Variants in FZD3 observed in about 807,000 individuals in gnomAD.
FZD3 encodes the protein frizzled class receptor 3.
FZD3 carries 30 observed loss-of-function variants against 60.7 expected under a neutral mutation model. The ratio of observed to expected loss-of-function variants is 0.49; its 90% confidence interval spans 0.37 to 0.67. The LOEUF is 0.67. Among genes scored for constraint, FZD3 ranks in the 30% least tolerant of loss-of-function variants. The pLI, the probability that FZD3 is intolerant of heterozygous loss-of-function variation, is 0.00. For synonymous variants in FZD3, 246 were observed against 275.2 expected, an observed-to-expected ratio of 0.89 and a Z score of 1.05; for missense variants, 605 against 838.7, an observed-to-expected ratio of 0.72 and a Z score of 3.44.
intron 6 of FZD3, among the ~76,000 whole-genome samples, chr8:28,552,541 C>G (rs1339742299): frequency 6.6e-6 from 1 of 152,072 alleles, no homozygotes. Context: ...ATCACAAACT[C>G]TAAGTTAGTG....
At chr8:28,497,983 A>G (rs914196080) in intron 1 of FZD3, among the ~76,000 whole-genome samples, 3 of 152,248 alleles carry the variant, frequency 2.0e-5, no homozygotes, top group African/African-American at 4.8e-5. Flanking sequence ...ACTTTTTGTC[A>G]TCAAAAGAAA....
rs1003637932 is a variant in FZD3 at position 28,565,485 on chromosome 8, C to T, written c.*2474C>T. On this transcript the variant is annotated 3_prime_UTR_variant, in exon 8 of 8. Transcript: ENST00000240093. ...AAAATAGAAGGTACCAGTTTGGGCT[C>T]GAAGATGTTGTCATCCATTGCCATC... The T allele has an allele frequency of 2.0e-5, 3 of 152,066 alleles. No individual in the cohort carries two copies. Among genetic ancestry groups the T allele is most frequent in the Non-Finnish European group, 4.4e-5 (3 of 67,980 alleles). 9.4% of individuals were successfully genotyped at this position (152,066 alleles called of 1,614,324 possible). A position where few individuals can be genotyped will look rare whatever the true frequency, so the allele number is the denominator to read the frequency against.
At position 28,527,246 on chromosome 8, in the gene FZD3, T is replaced by A; in HGVS notation, c.486T>A (p.Gly162=). The change falls in exon 5 of 8, where the codon GGT becomes GGA. Residue 162 remains glycine, a synonymous_variant. Coordinates refer to ENST00000240093, the MANE Select transcript of FZD3 (RefSeq NM_017412.4). This position sits in a 1 kb window ranked among gnomAD's most constrained non-coding sequence, Gnocchi z 5.0. ...CAGTGGCAGTGCAGAGAGACTATGG[T>A]TTTTGGTGTCCCCGAGAGTTAAAAA... is the stretch of plus-strand genomic sequence containing the variant. ...GAPVAVQRDY[G]FWCPRELKID... 1 of 1,612,674 alleles carries A rather than the reference T, an allele frequency of 6.2e-7. No individual in the cohort carries two copies. Among genetic ancestry groups the A allele is most frequent in the Non-Finnish European group, 8.5e-7 (1 of 1,178,748 alleles).
chr8:28,541,797 G>GCT (rs1410366873), intron 5 of FZD3, among the ~76,000 whole-genome samples: 5 of 152,126 alleles, frequency 3.3e-5, no homozygotes, highest in African/African-American at 1.2e-4. Context: ...TTCAGTAAAT[G>GCT]GCATCATTAT....
At chr8:28,528,245 GTT>G (rs1207636167) in intron 5 of FZD3, 81 bp downstream of exon 5, 4 of 1,093,252 alleles carry the variant, frequency 3.7e-6, no homozygotes, top group Non-Finnish European at 5.2e-6. Context: ...AATATCAGCT[GTT>G]TTTTGAAATG....
At chr8:28,506,064 A>G (rs1285327624) in intron 3 of FZD3, among the ~76,000 whole-genome samples, 2 of 152,150 alleles carry the variant, frequency 1.3e-5, no homozygotes, top group African/African-American at 2.4e-5. Context: ...CTTCCAAACC[A>G]TTTTGAGCTG....
At chr8:28,539,013 C>G (rs1805092283) in intron 5 of FZD3, among the ~76,000 whole-genome samples, 1 of 151,960 alleles carries the variant, frequency 6.6e-6, no homozygotes, top group Non-Finnish European at 1.5e-5. Flanking sequence ...TTAGTTCTTA[C>G]TCTCTCGTCT....
intron 3 of FZD3, among the ~76,000 whole-genome samples, chr8:28,506,622 G>C (rs1233102745): frequency 1.3e-5 from 2 of 152,016 alleles, no homozygotes; most frequent in Non-Finnish European, 2.9e-5. Flanking sequence ...CTCCTGGAAT[G>C]GTTTGTGTTT....
chr8:28,571,511 A>T lies in FZD3; in HGVS notation c.*8500A>T, dbSNP rs964663120. 2 of 152,190 alleles carry T rather than the reference A, an allele frequency of 1.3e-5. No homozygotes were observed. The highest frequency in any genetic ancestry group is 2.9e-5 in the Non-Finnish European group (2 of 68,022). 9.4% of individuals were successfully genotyped at this position (152,190 alleles called of 1,614,324 possible). A position where few individuals can be genotyped will look rare whatever the true frequency, so the allele number is the denominator to read the frequency against. On this transcript the variant is annotated 3_prime_UTR_variant, in exon 8 of 8. Transcript: ENST00000240093. ...ATATTAGTCTGGACATTCTCTTGCC[A>T]TCAGGTGCTATTTCTACCTTAGCTG...
Position 28,527,012 on chromosome 8 carries a change from C to A in FZD3, c.387-135C>A, listed in dbSNP as rs1326844913. 1.3e-6 allele frequency: 1 copy of A among 793,420 alleles called. No individual in the cohort carries two copies. The highest frequency in any genetic ancestry group is 2.4e-5 in the Admixed American group (1 of 41,040). 49.1% of individuals were successfully genotyped at this position (793,420 alleles called of 1,614,324 possible). ...ACCACAAACAAGATATCACCATTTA[C>A]TTTATTTCTACATATTACATTTGCT... is the stretch of plus-strand genomic sequence containing the variant. On this transcript the variant is annotated intron_variant, in intron 4 of 7. Coordinates refer to ENST00000240093, the MANE Select transcript of FZD3 (RefSeq NM_017412.4). This position sits in a 1 kb window ranked among gnomAD's most constrained non-coding sequence, Gnocchi z 5.0.
intron 4 of FZD3, among the ~76,000 whole-genome samples, chr8:28,521,594 C>CTTA (rs1804580888): frequency 1.3e-5 from 2 of 152,168 alleles, no homozygotes; most frequent in Admixed American, 6.5e-5. Context: ...CCCTCTTGAG[C>CTTA]TTATTATCTT....
chr8:28,539,744 T>A (rs1805113932), intron 5 of FZD3, among the ~76,000 whole-genome samples: 1 of 152,132 alleles, frequency 6.6e-6, no homozygotes, highest in Non-Finnish European at 1.5e-5. Context: ...TGTACTTCTA[T>A]TAGTAAAGTA....
rs369108722 is a variant in FZD3, at chr8:28,560,509, T to C, written c.1788-2289T>C. On this transcript the variant is annotated intron_variant, in intron 7 of 7. Transcript: ENST00000240093. ...TATGTGTCACTTAAGGAATTTAGATTAAATTATTCAATATAGTAAATTTTT... is the reference window on the plus strand; with the variant it reads ...TATGTGTCACTTAAGGAATTTAGATCAAATTATTCAATATAGTAAATTTTT... 3.3e-5 allele frequency among the ~76,000 whole-genome samples: 5 copies of C among 152,314 alleles called. No individual in the cohort carries two copies. The South Asian group carries it at 6.2e-4, about 19-fold the overall frequency.
rs1003089345 is a variant in FZD3, at chr8:28,564,302, A to G, written c.*1291A>G. 12 of 152,144 alleles carry G rather than the reference A, an allele frequency of 7.9e-5. No homozygotes were observed. Among genetic ancestry groups the G allele is most frequent in the African/African-American group, 2.7e-4 (11 of 41,420 alleles). 9.4% of individuals were successfully genotyped at this position (152,144 alleles called of 1,614,324 possible). A position where few individuals can be genotyped will look rare whatever the true frequency, so the allele number is the denominator to read the frequency against. On this transcript the variant is annotated 3_prime_UTR_variant, in exon 8 of 8. Transcript: ENST00000240093. ...GAAATCAATCAGAAGAGAAAGAAAAATGCTGGAACATGCTTGATGTATTAT... is the reference window on the plus strand; with the variant it reads ...GAAATCAATCAGAAGAGAAAGAAAAGTGCTGGAACATGCTTGATGTATTAT...
Position 28,527,196 on chromosome 8 carries a change from G to A in FZD3, c.436G>A (p.Ala146Thr), listed in dbSNP as rs1396952021. The change falls in exon 5 of 8, where the codon GCT (alanine) becomes ACT (threonine). Residue 146 changes from alanine (A) to threonine (T), a missense_variant. Transcript: ENST00000240093. The surrounding 1 kb of genome is among the most constrained non-coding windows in gnomAD (Gnocchi z 5.0). ...TCCTCGACTTGTGGATCTGAATTTA[G>A]CTGGAGAACCAACTGAAGGAGCCCC... Reference protein sequence around the residue: ...PYPRLVDLNLAGEPTEGAPVA... With the variant: ...PYPRLVDLNLTGEPTEGAPVA... 1 of 1,613,560 alleles carries A rather than the reference G, an allele frequency of 6.2e-7. No homozygotes were observed. Among genetic ancestry groups the A allele is most frequent in the African/African-American group, 1.3e-5 (1 of 74,876 alleles).
intron 3 of FZD3, among the ~76,000 whole-genome samples, chr8:28,507,264 T>C (rs1156759033): frequency 2.0e-5 from 3 of 152,234 alleles, no homozygotes; most frequent in Non-Finnish European, 4.4e-5. Context: ...CCCTTTTTTC[T>C]TGTGATATAT....
chr8:28,506,163 TATC>T (rs1438308168), intron 3 of FZD3, among the ~76,000 whole-genome samples: 8 of 152,212 alleles, frequency 5.3e-5, no homozygotes, highest in Non-Finnish European at 1.2e-4. Flanking sequence ...AGCCACCTAT[TATC>T]AGGTATTTAC....
chr8:28,512,715 ACC>A (rs1804321195), intron 3 of FZD3, among the ~76,000 whole-genome samples: 2 of 152,150 alleles, frequency 1.3e-5, no homozygotes, highest in African/African-American at 4.8e-5. Flanking sequence ...CTTGGTAAAT[ACC>A]GCAAAAAAGC....
chr8:28,551,507 ACT>A (rs1385039064), intron 5 of FZD3, 94 bp from the exon 6 acceptor site: 2 of 959,244 alleles, frequency 2.1e-6, no homozygotes, highest in South Asian at 1.5e-5. Flanking sequence ...CAAGAACAAA[ACT>A]CTGTCTCAAA....
Sources: gnomAD v4.1 joint callset for allele counts (sites outside exome capture counted in the v4.1 genomes callset) on GRCh38, gnomAD v4.1.1 for gene constraint, Gnocchi (gnomAD v3.1) non-coding constraint, MANE v1.5 for transcripts, NCBI Gene and HGNC (gene_info 2026-07-23, HGNC 2026-07-21) for gene names.